Variants in TAF4B observed in about 807,000 individuals in gnomAD.
TAF4B encodes TATA-box binding protein associated factor 4b.
In TAF4B, 38 loss-of-function variants were observed where a neutral mutation model predicts 86.4. The observed-to-expected ratio is 0.44, with a 90% CI of 0.34 to 0.58. TAF4B has a LOEUF of 0.58. Ranked by LOEUF, TAF4B falls within the 20% of genes least tolerant of loss-of-function variation. The pLI is 0.02. For synonymous variants in TAF4B, 388 were observed against 391.2 expected (o/e 0.99, Z 0.10); for missense variants, 988 against 1,027.6 (o/e 0.96, Z 0.53).
intron 13 of TAF4B, among the ~76,000 whole-genome samples, chr18:26,346,956 T>C (rs1174180524): frequency 2.9e-5 from 4 of 138,992 alleles, no homozygotes; most frequent in African/African-American, 1.0e-4. Flanking sequence ...AGTCTTGCTC[T>C]GTCACCCAGG....
Position 26,298,835 on chromosome 18 carries a change from A to G in TAF4B, c.1832+5304A>G, listed in dbSNP as rs181862983. ...GCTGGGATTACAGGCATGAGCCACC[A>G]TGCCCAGCCTATTGCCTTTTTTTTT... is the stretch of plus-strand genomic sequence containing the variant. On this transcript the variant is annotated intron_variant, in intron 9 of 14. Transcript: ENST00000269142. 2.1e-4 allele frequency among the ~76,000 whole-genome samples: 29 copies of G among 140,950 alleles called. No homozygotes were observed. The Admixed American group carries it at 2.1e-3, about 10-fold the overall frequency. The allele number at this position is 140,950 out of a possible 152,430, so 92.5% of individuals were successfully genotyped here. A position where few individuals can be genotyped will look rare whatever the true frequency, so the allele number is the denominator to read the frequency against.
chr18:26,384,142 A>G (rs1978309587), intron 14 of TAF4B, among the ~76,000 whole-genome samples: 1 of 152,182 alleles, frequency 6.6e-6, no homozygotes, highest in African/African-American at 2.4e-5. Flanking sequence ...GACTTGAGCT[A>G]TCCCTTAAGA....
At chr18:26,294,047 A>G (rs987941803) in intron 9 of TAF4B, among the ~76,000 whole-genome samples, 1 of 152,072 alleles carries the variant, frequency 6.6e-6, no homozygotes, top group African/African-American at 2.4e-5. Context: ...TTCACTATTG[A>G]TGGACATTTG....
intron 13 of TAF4B, among the ~76,000 whole-genome samples, chr18:26,351,925 G>T (rs894086161): frequency 2.0e-5 from 3 of 152,016 alleles, no homozygotes; most frequent in African/African-American, 7.2e-5. Flanking sequence ...TATGGCCAAG[G>T]TTTTTCTATT....
intron 10 of TAF4B, 24 bp from the exon 11 acceptor site, chr18:26,321,046 A>G: frequency 1.2e-6 from 2 of 1,613,314 alleles, no homozygotes; most frequent in Non-Finnish European, 1.7e-6. Flanking sequence ...TAAAACACGT[A>G]ATGGATTTTC....
chr18:26,295,315 G>A (rs950463735), intron 9 of TAF4B: 3 of 237,730 alleles, frequency 1.3e-5, no homozygotes, highest in Admixed American at 5.2e-5. Context: ...AGGCTCACAG[G>A]TATAGAATTC....
intron 13 of TAF4B, among the ~76,000 whole-genome samples, chr18:26,346,907 G>GTATATATATATATATATA (rs61248095): frequency 1.8e-4 from 2 of 11,218 alleles, no homozygotes; most frequent in Non-Finnish European, 2.6e-4. Context: ...ATATGTGTGT[G>GTATATATATATATATATA]TATATATATA....
At chr18:26,252,558 G>GAAAT (rs1265116775) in intron 1 of TAF4B, among the ~76,000 whole-genome samples, 2 of 152,026 alleles carry the variant, frequency 1.3e-5, no homozygotes, top group Non-Finnish European at 2.9e-5. Flanking sequence ...GTATCGTGAT[G>GAAAT]AAATCTCCCT....
chr18:26,327,245 C>A, intron 12 of TAF4B, 105 bp downstream of exon 12: 1 of 1,400,234 alleles, frequency 7.1e-7, no homozygotes, highest in South Asian at 1.5e-5. Flanking sequence ...TTAGATTTCT[C>A]CAGAGGATTT....
rs184923628 is a variant in TAF4B at position 26,384,560 on chromosome 18, T to C, written c.2422-5285T>C. ...GACAAGGTAAGTATGGCAGCACAAA[T>C]GATTTCTCTTGAGTTCAGTAACCAG... On this transcript the variant is annotated intron_variant, in intron 14 of 14. Coordinates refer to ENST00000269142, the MANE Select transcript of TAF4B (RefSeq NM_005640.3). Among the ~76,000 whole-genome samples the C allele has an allele frequency of 7.9e-5, 12 of 152,296 alleles. No homozygotes were observed. In the East Asian group the frequency reaches 2.3e-3, roughly 29 times the overall value.
chr18:26,390,968 A>G lies in TAF4B; in HGVS notation c.*956A>G, dbSNP rs533673615. On this transcript the variant is annotated 3_prime_UTR_variant, in exon 15 of 15. Transcript: ENST00000269142. ...TTGTTTTGTATTGTTTTAAATCCCA[A>G]GGATAGTTTTTATAGTTCCTTCTGT... 9.8e-5 allele frequency: 15 copies of G among 152,342 alleles called. No individual in the cohort carries two copies. The South Asian group carries it at 3.1e-3, about 32-fold the overall frequency. 9.4% of individuals were successfully genotyped at this position (152,342 alleles called of 1,614,324 possible).
intron 11 of TAF4B, among the ~76,000 whole-genome samples, chr18:26,323,272 A>T (rs1389793903): frequency 2.0e-5 from 3 of 152,148 alleles, no homozygotes; most frequent in African/African-American, 7.2e-5. Flanking sequence ...TTCCTTATTG[A>T]TCATCCATCT....
chr18:26,389,861 T>C lies in TAF4B; in HGVS notation c.2438T>C (p.Leu813Pro). ...ESGIEGLKDN[L>P]LASGTSSLTA... ...TATTTTTAGGGCTTAAAAGACAACC[T>C]TCTTGCTTCTGGGACATCCAGCCTG... The change falls in exon 15 of 15, where the codon CTT becomes CCT. Residue 813 changes from leucine to proline, a missense_variant. Around this residue, in one of 3 missense-constraint regions of TAF4B, gnomAD observed 216 missense variants for 238.4 expected, o/e 0.91. Coordinates refer to ENST00000269142, the MANE Select transcript of TAF4B (RefSeq NM_005640.3). 7 of 1,612,278 alleles carry C rather than the reference T, an allele frequency of 4.3e-6. No individual in the cohort carries two copies. Among genetic ancestry groups the C allele is most frequent in the Non-Finnish European group, 5.9e-6 (7 of 1,179,588 alleles).
intron 7 of TAF4B, among the ~76,000 whole-genome samples, chr18:26,291,968 T>C (rs1323539583): frequency 6.6e-6 from 1 of 152,200 alleles, no homozygotes; most frequent in Admixed American, 6.5e-5. Flanking sequence ...TTTTTCACTA[T>C]AAGTTAACAA....
chr18:26,247,574 C>G (rs543606349), intron 1 of TAF4B, among the ~76,000 whole-genome samples: 1 of 152,176 alleles, frequency 6.6e-6, no homozygotes, highest in East Asian at 1.9e-4. Context: ...TTTAAAAAAT[C>G]TTCTTTTAAA....
intron 13 of TAF4B, among the ~76,000 whole-genome samples, chr18:26,340,357 C>A (rs1385580591): frequency 6.6e-6 from 1 of 152,152 alleles, no homozygotes; most frequent in Non-Finnish European, 1.5e-5. Flanking sequence ...AAACTTCATG[C>A]AAGTTCTACA....
intron 9 of TAF4B, among the ~76,000 whole-genome samples, 155 bp downstream of exon 9, chr18:26,293,686 A>T (rs2056625671): frequency 6.6e-6 from 1 of 152,190 alleles, no homozygotes; most frequent in African/African-American, 2.4e-5. Flanking sequence ...AATAAAATGC[A>T]CAACTATTAA....
intron 13 of TAF4B, among the ~76,000 whole-genome samples, chr18:26,343,408 T>C (rs1002839317): frequency 2.0e-5 from 3 of 152,144 alleles, no homozygotes; most frequent in South Asian, 2.1e-4. Flanking sequence ...CTTTAAGAAC[T>C]GGACCAACAA....
chr18:26,346,759 G>GTGTGTATATATA lies in TAF4B; in HGVS notation c.2317-10930_2317-10929insGTGTATATATAT, dbSNP rs1202008455. Among the ~76,000 whole-genome samples the GTGTGTATATATA allele has an allele frequency of 2.3e-3, 63 of 27,074 alleles. 1 individual carries two copies. The highest frequency in any genetic ancestry group is 5.6e-3 in the African/African-American group (60 of 10,722). The allele number at this position is 27,074 out of a possible 152,430, so 17.8% of individuals were successfully genotyped here. A position where few individuals can be genotyped will look rare whatever the true frequency, so the allele number is the denominator to read the frequency against. On this transcript the variant is annotated intron_variant, in intron 13 of 14. Coordinates refer to ENST00000269142, the MANE Select transcript of TAF4B (RefSeq NM_005640.3). ...CAAGAATATATATATATATATGTGT[G>GTGTGTATATATA]TATATATATATATATGTGTGTGTAT... is the stretch of plus-strand genomic sequence containing the variant.
Sources: gnomAD v4.1 joint callset for allele counts (sites outside exome capture counted in the v4.1 genomes callset) on GRCh38, gnomAD v4.1.1 for gene constraint, gnomAD v4.1.1 regional missense constraint, MANE v1.5 for transcripts, NCBI Gene and HGNC (gene_info 2026-07-23, HGNC 2026-07-21) for gene names.